The following FAM149A variants were observed in gnomAD, a reference collection of about 807,000 sequenced individuals.
FAM149A encodes protein FAM149A.
FAM149A carries 71 observed loss-of-function variants against 78.2 expected under a neutral mutation model. The observed-to-expected ratio is 0.91, with a 90% confidence interval of 0.75 to 1.11. The LOEUF (loss-of-function observed/expected upper bound fraction) is 1.11, where lower values mean the gene tolerates loss of function less well. Among genes scored for constraint, FAM149A ranks in the 50% least tolerant of loss-of-function variants. FAM149A has a pLI of 0.00. For missense variants in FAM149A, 1,036 were observed against 971.0 expected, an observed-to-expected ratio of 1.07 and a Z score of -0.89; for synonymous variants, 446 against 410.5, an observed-to-expected ratio of 1.09 and a Z score of -1.04.
intron 1 of FAM149A, chr4:186,126,218 A>T (rs1314642976): frequency 2.3e-6 from 1 of 439,910 alleles, no homozygotes; most frequent in Non-Finnish European, 3.0e-6. Flanking sequence ...GGATACCTTG[A>T]CATACTTGCC....
Position 186,121,204 on chromosome 4 carries a change from T to C in FAM149A, c.566+15562T>C, listed in dbSNP as rs4861700. 4.2e-3 allele frequency among the ~76,000 whole-genome samples: 634 copies of C among 152,186 alleles called. 30 individuals carry two copies. The East Asian group carries it at 0.097, about 23-fold the overall frequency. On this transcript the variant is annotated intron_variant, in intron 1 of 13. Transcript: ENST00000389354. Reference sequence around the variant, plus strand: ...CAGTAATGAGCAAGCATTGTCTTACTAGAAAAAATGGAGAAGCAATTAGAG... The same window carrying C: ...CAGTAATGAGCAAGCATTGTCTTACCAGAAAAAATGGAGAAGCAATTAGAG...
At chr4:186,134,560 C>T (rs1474369610) in intron 1 of FAM149A, among the ~76,000 whole-genome samples, 1 of 152,162 alleles carries the variant, frequency 6.6e-6, no homozygotes, top group East Asian at 1.9e-4. Context: ...TGTGCTCTCC[C>T]AAATGTCTTC....
At position 186,164,404 on chromosome 4, in the gene FAM149A, A is replaced by C. The variant is rs948949435; in HGVS notation, c.1889+771A>C. The C allele has an allele frequency of 3.1e-6, 3 of 954,368 alleles. No homozygotes were observed. The African/African-American group carries it at 5.3e-5, about 17-fold the overall frequency. The allele number at this position is 954,368 out of a possible 1,614,324, so 59.1% of individuals were successfully genotyped here. A position where few individuals can be genotyped will look rare whatever the true frequency, so the allele number is the denominator to read the frequency against. On this transcript the variant is annotated intron_variant, in intron 10 of 13. Transcript: ENST00000389354. The surrounding 1 kb of genome is among the most constrained non-coding windows in gnomAD (Gnocchi z 4.0). ...TCAGGCTTTAGAGACCACCCACTGG[A>C]CCCCCGGCCTGCAGGGGAGCTGTTA...
At chr4:186,110,502 T>C (rs1166371088) in intron 1 of FAM149A, among the ~76,000 whole-genome samples, 4 of 144,820 alleles carry the variant, frequency 2.8e-5, no homozygotes, top group East Asian at 2.0e-4. Flanking sequence ...CACTAACTCG[T>C]CATCTAGCAT....
intron 1 of FAM149A, chr4:186,123,847 T>A: frequency 5.1e-6 from 5 of 983,788 alleles, no homozygotes; most frequent in Non-Finnish European, 6.0e-6. Flanking sequence ...ATAGAATAGT[T>A]AAGCAGCAAA....
At chr4:186,131,238 C>T (rs1487750222) in intron 1 of FAM149A, among the ~76,000 whole-genome samples, 2 of 152,182 alleles carry the variant, frequency 1.3e-5, no homozygotes, top group Middle Eastern at 3.4e-3. Context: ...ATCCCATTTA[C>T]TCGGGAGGCT....
intron 1 of FAM149A, among the ~76,000 whole-genome samples, chr4:186,136,976 T>TCTCTCTCTCTCTCTCTCTG: frequency 1.4e-5 from 1 of 72,120 alleles, no homozygotes; most frequent in African/African-American, 6.1e-5. Context: ...CTCTCTCTCT[T>TCTCTCTCTCTCTCTCTCTG]TCTCTCTCTC....
chr4:186,151,939 T>C lies in FAM149A; in HGVS notation c.826T>C (p.Leu276=), dbSNP rs1733617672. ...AGCCAGTTCACAGTCAGTGCAGCGG[T>C]TACTCTGGGAGGTGGAGGAAATGTT... Residue 276 remains leucine, a synonymous_variant, in exon 4 of 14, where the codon TTA becomes CTA. Coordinates refer to ENST00000389354, the MANE Select transcript of FAM149A (RefSeq NM_001367768.3). 6.2e-7 allele frequency: 1 copy of C among 1,614,112 alleles called. No homozygotes were observed. The highest frequency in any genetic ancestry group is 1.3e-5 in the African/African-American group (1 of 75,048).
intron 13 of FAM149A, chr4:186,171,203 C>T (rs927008151): frequency 6.5e-6 from 1 of 152,842 alleles, no homozygotes; most frequent in Admixed American, 6.5e-5. Flanking sequence ...TGATGCCCTT[C>T]CCCATGTAAC....
chr4:186,169,819 C>T (rs914653880), intron 13 of FAM149A: 4 of 985,306 alleles, frequency 4.1e-6, no homozygotes, highest in Non-Finnish European at 2.4e-6. Flanking sequence ...GGGAACGGTC[C>T]ATGCCAGTCA....
At chr4:186,107,021 A>G (rs2099309048) in intron 1 of FAM149A, among the ~76,000 whole-genome samples, 2 of 152,184 alleles carry the variant, frequency 1.3e-5, no homozygotes, top group South Asian at 4.1e-4. Context: ...AAAAAATACT[A>G]TATTATGACA....
chr4:186,165,735 G>A (rs1734975938), intron 11 of FAM149A, among the ~76,000 whole-genome samples: 1 of 152,196 alleles, frequency 6.6e-6, no homozygotes, highest in South Asian at 2.1e-4. Flanking sequence ...TGATAGGATA[G>A]TGGAGCAAAG....
intron 13 of FAM149A, chr4:186,169,740 T>G (rs1735372537): frequency 1.0e-6 from 1 of 985,390 alleles, no homozygotes; most frequent in Non-Finnish European, 1.2e-6. Flanking sequence ...TGACCCCCAC[T>G]GGGGGCGTCC....
At chr4:186,158,496 C>A in intron 8 of FAM149A, 9 of 1,066,626 alleles carry the variant, frequency 8.4e-6, no homozygotes, top group Non-Finnish European at 1.0e-5. Context: ...TCTGCAGAGA[C>A]CCTGAAGAGA....
intron 1 of FAM149A, among the ~76,000 whole-genome samples, chr4:186,131,591 G>A (rs1344167806): frequency 6.6e-6 from 1 of 152,208 alleles, no homozygotes; most frequent in African/African-American, 2.4e-5. Flanking sequence ...GCTGAATGAG[G>A]CAATGGTCTT....
chr4:186,164,404 A>G lies in FAM149A; in HGVS notation c.1889+771A>G. The stretch of plus-strand genomic sequence containing the variant: ...TCAGGCTTTAGAGACCACCCACTGG[A>G]CCCCCGGCCTGCAGGGGAGCTGTTA... On this transcript the variant is annotated intron_variant, in intron 10 of 13. Coordinates refer to ENST00000389354, the MANE Select transcript of FAM149A (RefSeq NM_001367768.3). The surrounding 1 kb of genome is among the most constrained non-coding windows in gnomAD (Gnocchi z 4.0). 2.1e-6 allele frequency: 2 copies of G among 954,536 alleles called. No homozygotes were observed. Among genetic ancestry groups the G allele is most frequent in the Non-Finnish European group, 2.5e-6 (2 of 801,944 alleles). 59.1% of individuals were successfully genotyped at this position (954,536 alleles called of 1,614,324 possible).
chr4:186,168,442 A>G (rs1579938950), intron 13 of FAM149A, among the ~76,000 whole-genome samples: 1 of 152,018 alleles, frequency 6.6e-6, no homozygotes, highest in Admixed American at 6.6e-5. Flanking sequence ...CGCAACCTCC[A>G]CCTCCCAGGT....
intron 1 of FAM149A, among the ~76,000 whole-genome samples, chr4:186,126,388 T>A (rs2099318347): frequency 6.6e-6 from 1 of 152,174 alleles, no homozygotes; most frequent in South Asian, 2.1e-4. Context: ...AACGTTGTTT[T>A]TGGATGAGTC....
intron 1 of FAM149A, chr4:186,116,344 C>T (rs1164641174): frequency 9.9e-6 from 4 of 405,776 alleles, no homozygotes; most frequent in African/African-American, 8.8e-5. Flanking sequence ...ATGCAGAAAT[C>T]ACCCGTCTTC....
Sources: gnomAD v4.1 joint callset for allele counts (sites outside exome capture counted in the v4.1 genomes callset) on GRCh38, gnomAD v4.1.1 for gene constraint, Gnocchi (gnomAD v3.1) non-coding constraint, MANE v1.5 for transcripts, NCBI Gene and HGNC (gene_info 2026-07-23, HGNC 2026-07-21) for gene names.